Variants in ZNF385D observed in about 807,000 individuals in gnomAD.
ZNF385D encodes the protein zinc finger protein 659.
ZNF385D carries 15 observed loss-of-function variants against 35.8 expected under a neutral mutation model. The ratio of observed to expected loss-of-function variants is 0.42; its 90% CI spans 0.28 to 0.64. ZNF385D has a LOEUF of 0.64. Among genes scored for constraint, ZNF385D ranks in the 30% least tolerant of loss-of-function variants. ZNF385D has a pLI of 0.23. For missense variants in ZNF385D, 474 were observed against 494.6 expected, an observed-to-expected ratio of 0.96 and a Z score of 0.39; for synonymous variants, 212 against 186.8, an observed-to-expected ratio of 1.13 and a Z score of -1.10.
At chr3:21,842,902 G>C (rs1265037127) in intron 3 of ZNF385D, among the ~76,000 whole-genome samples, 6 of 152,038 alleles carry the variant, frequency 3.9e-5, no homozygotes, top group Non-Finnish European at 8.8e-5. Context: ...ATGGTAATCT[G>C]CCAGACATGG....
intron 2 of ZNF385D, among the ~76,000 whole-genome samples, chr3:22,181,689 C>T (rs1482689283): frequency 7.5e-6 from 1 of 133,134 alleles, no homozygotes; most frequent in Non-Finnish European, 1.6e-5. Flanking sequence ...AAGAGTGAGA[C>T]TCCGTCTCAA....
At chr3:22,123,420 A>G (rs1220036762) in intron 3 of ZNF385D, among the ~76,000 whole-genome samples, 1 of 152,184 alleles carries the variant, frequency 6.6e-6, no homozygotes, top group Admixed American at 6.5e-5. Flanking sequence ...TTTATAAAAT[A>G]TTTTGATACA....
intron 3 of ZNF385D, among the ~76,000 whole-genome samples, chr3:21,948,865 G>A (rs915002473): frequency 1.1e-4 from 17 of 151,988 alleles, no homozygotes; most frequent in Admixed American, 2.6e-4. Context: ...TAAAAATCTT[G>A]TGTAAGATTT....
At chr3:22,001,582 A>G (rs1695848871) in intron 3 of ZNF385D, among the ~76,000 whole-genome samples, 1 of 152,122 alleles carries the variant, frequency 6.6e-6, no homozygotes, top group Non-Finnish European at 1.5e-5. Flanking sequence ...CAGAAAATCA[A>G]CAAAGAAACA....
chr3:21,625,720 C>A (rs74355354), intron 2 of ZNF385D, among the ~76,000 whole-genome samples: 9 of 151,958 alleles, frequency 5.9e-5, no homozygotes, highest in Non-Finnish European at 1.2e-4. Context: ...TCATGGACTC[C>A]AGTTAAATGT....
chr3:21,861,942 G>A (rs1684497), intron 3 of ZNF385D, among the ~76,000 whole-genome samples: 63,353 of 151,932 alleles, frequency 0.42, 13,440 homozygotes, highest in Non-Finnish European at 0.43. Flanking sequence ...CACACTTCAG[G>A]AAAACCATGC....
chr3:22,321,587 G>A (rs1267275253), intron 2 of ZNF385D, among the ~76,000 whole-genome samples: 1 of 151,880 alleles, frequency 6.6e-6, no homozygotes, highest in Non-Finnish European at 1.5e-5. Flanking sequence ...GGATGGTCTC[G>A]ATCTCCTGAC....
chr3:22,295,090 T>C (rs952082912), intron 2 of ZNF385D, among the ~76,000 whole-genome samples: 3 of 152,134 alleles, frequency 2.0e-5, no homozygotes, highest in Non-Finnish European at 4.4e-5. Flanking sequence ...AATTCCAGTT[T>C]TCCTCTGAAT....
At chr3:22,029,391 C>T (rs928903632) in intron 3 of ZNF385D, among the ~76,000 whole-genome samples, 1 of 152,160 alleles carries the variant, frequency 6.6e-6, no homozygotes, top group Admixed American at 6.5e-5. Context: ...TCAGGCAGGA[C>T]TACAAATGGT....
At chr3:21,714,881 A>G (rs1290564888) in intron 1 of ZNF385D, among the ~76,000 whole-genome samples, 1 of 152,230 alleles carries the variant, frequency 6.6e-6, no homozygotes, top group African/African-American at 2.4e-5. Flanking sequence ...ACACACATGC[A>G]TATTAAAATG....
intron 3 of ZNF385D, among the ~76,000 whole-genome samples, chr3:22,139,652 T>C (rs1415211304): frequency 6.6e-6 from 1 of 152,048 alleles, no homozygotes; most frequent in Admixed American, 6.6e-5. Context: ...CATTAGGTGA[T>C]ATACCTAATG....
intron 3 of ZNF385D, among the ~76,000 whole-genome samples, chr3:21,534,140 A>AAT (rs397775815): frequency 1.3e-5 from 2 of 151,788 alleles, no homozygotes; most frequent in African/African-American, 4.8e-5. Flanking sequence ...AAAAAAAAAA[A>AAT]CTTACTCAAA....
At chr3:21,726,610 C>T (rs2068776272) in intron 1 of ZNF385D, among the ~76,000 whole-genome samples, 1 of 152,122 alleles carries the variant, frequency 6.6e-6, no homozygotes, top group Admixed American at 6.6e-5. Context: ...AGGAATACGA[C>T]TTACAAGGGA....
At chr3:22,023,842 G>A (rs1697371025) in intron 3 of ZNF385D, among the ~76,000 whole-genome samples, 2 of 152,112 alleles carry the variant, frequency 1.3e-5, no homozygotes, top group Non-Finnish European at 2.9e-5. Flanking sequence ...GTACAGGGCT[G>A]TAGGATGAGG....
At chr3:21,437,461 A>G (rs570065442) in intron 4 of ZNF385D, among the ~76,000 whole-genome samples, 2 of 152,092 alleles carry the variant, frequency 1.3e-5, no homozygotes, top group Non-Finnish European at 2.9e-5. Context: ...TATGGGGTAA[A>G]TATCCACAAA....
chr3:22,077,739 A>G (rs1347335727), intron 3 of ZNF385D, among the ~76,000 whole-genome samples: 1 of 152,024 alleles, frequency 6.6e-6, no homozygotes, highest in Non-Finnish European at 1.5e-5. Context: ...TGCCTACATA[A>G]TTTCTACCTT....
chr3:21,885,612 A>G (rs1244031806), intron 3 of ZNF385D, among the ~76,000 whole-genome samples: 3 of 151,990 alleles, frequency 2.0e-5, no homozygotes, highest in African/African-American at 7.2e-5. Flanking sequence ...ATTTGCAATG[A>G]AAAGTTTTAT....
rs144180407 is a variant in ZNF385D at position 21,675,878 on chromosome 3, C to A, written c.23-10850G>T. Among the ~76,000 whole-genome samples, 613 of 152,106 alleles carry A rather than the reference C, an allele frequency of 4.0e-3. 6 individuals are homozygous for A. Among genetic ancestry groups the A allele is most frequent in the African/African-American group, 0.013 (557 of 41,540 alleles). ...TCAATTGTCCCTTTTATTTTGCCTG[C>A]ATAGTTTAGAAGAACAAAATAGAAA... is the stretch of plus-strand genomic sequence containing the variant. On this transcript the variant is annotated intron_variant, in intron 1 of 7. Transcript: ENST00000281523.
chr3:22,085,138 C>T (rs543624382), intron 3 of ZNF385D, among the ~76,000 whole-genome samples: 50 of 152,032 alleles, frequency 3.3e-4, no homozygotes, highest in African/African-American at 1.0e-3. Flanking sequence ...GATCTAAAAT[C>T]GACACCCTAA....
Sources: allele counts gnomAD v4.1 joint callset (sites outside exome capture counted in the v4.1 genomes callset), GRCh38; gene constraint gnomAD v4.1.1; transcripts MANE v1.5; gene names NCBI Gene and HGNC (gene_info 2026-07-23, HGNC 2026-07-21).